RARG: variants seen among roughly 807,000 people sequenced by gnomAD.
RARG encodes the protein retinoic acid receptor gamma.
RARG carries 17 observed loss-of-function variants against 43.7 expected under a neutral mutation model. That is an observed-to-expected ratio of 0.39 (90% confidence interval 0.27 to 0.58). The LOEUF (loss-of-function observed/expected upper bound fraction) is 0.58. Ranked by LOEUF, RARG falls within the 20% of genes least tolerant of loss-of-function variation. The pLI is 0.57. For synonymous variants in RARG, 238 were observed against 236.4 expected (o/e 1.01, Z -0.06); for missense variants, 346 against 598.7 (o/e 0.58, Z 4.40).
At chr12:53,219,315 CCTCTT>C (rs1942878595) in intron 3 of RARG, among the ~76,000 whole-genome samples, 1 of 152,194 alleles carries the variant, frequency 6.6e-6, no homozygotes, top group Admixed American at 6.5e-5. Context: ...CAGCCTTCTC[CCTCTT>C]GTGTGCACAA....
At chr12:53,214,721 A>G (rs1484878001) in intron 5 of RARG, 115 bp from the exon 6 acceptor site, 2 of 1,114,806 alleles carry the variant, frequency 1.8e-6, no homozygotes, top group South Asian at 1.8e-5. Context: ...ATTCTCTGGC[A>G]CTGTAATTAC....
At position 53,213,687 on chromosome 12, in the gene RARG, C is replaced by T; in HGVS notation, c.827G>A (p.Cys276Tyr). ...GTCCTGCTCTGGGGTGTACCTTGTGCAGATACGCAGCATCTGGAGGTGGGG... is the reference window on the plus strand; with the variant it reads ...GTCCTGCTCTGGGGTGTACCTTGTGTAGATACGCAGCATCTGGAGGTGGGG... ...ACLDILMLRI[C>Y]TRYTPEQDTM... The change falls in exon 8 of 10, where the codon TGC becomes TAC. Residue 276 changes from cysteine to tyrosine, a missense_variant. Cys to Tyr is a radical substitution (Grantham distance 194). Around this residue, in one of 8 missense-constraint regions of RARG, gnomAD observed 37 missense variants for 146.3 expected, o/e 0.25. Transcript: ENST00000425354. This position sits in a 1 kb window ranked among gnomAD's most constrained non-coding sequence, Gnocchi z 4.7. The T allele has an allele frequency of 6.2e-7, 1 of 1,612,440 alleles. No homozygotes were observed. Among genetic ancestry groups the T allele is most frequent in the Non-Finnish European group, 8.5e-7 (1 of 1,178,954 alleles).
rs1457086260 is a variant in RARG at position 53,227,455 on chromosome 12, C to G, written c.91G>C (p.Gly31Arg). 6.2e-7 allele frequency: 1 copy of G among 1,610,618 alleles called. No homozygotes were observed. The highest frequency in any genetic ancestry group is 8.5e-7 in the Non-Finnish European group (1 of 1,178,582). The change falls in exon 3 of 10, where the codon GGG becomes CGG. Residue 31 changes from glycine to arginine, a missense_variant. Gly to Arg is a moderately radical substitution (Grantham distance 125, BLOSUM62 -2). Around this residue, in one of 8 missense-constraint regions of RARG, gnomAD observed 90 missense variants for 93.2 expected, o/e 0.97. Coordinates refer to ENST00000425354, the MANE Select transcript of RARG (RefSeq NM_000966.6). The surrounding 1 kb of genome is among the most constrained non-coding windows in gnomAD (Gnocchi z 4.3). ...AAAGGCGGAGACCCCCTGAGTGCCC[C>G]TGGGAAGGCGAAGGGGAAACCTGCC... is the stretch of plus-strand genomic sequence containing the variant. ...PGAGFPFAFP[G>R]ALRGSPPFEM...
At chr12:53,223,459 T>TA (rs377129941) in intron 3 of RARG, among the ~76,000 whole-genome samples, 1 of 82,228 alleles carries the variant, frequency 1.2e-5, no homozygotes, top group African/African-American at 4.7e-5. Context: ...TGGGACCGGG[T>TA]AGGGGGCCAG....
intron 3 of RARG, among the ~76,000 whole-genome samples, chr12:53,224,795 T>C (rs1343460134): frequency 1.3e-5 from 2 of 151,536 alleles, no homozygotes; most frequent in Non-Finnish European, 2.9e-5. Flanking sequence ...CTGCCCTGGC[T>C]CTGGCTCCTC....
rs779990152 is a variant in RARG, at chr12:53,215,384, G to A, written c.384C>T (p.Arg128=). 45 of 1,613,956 alleles carry A rather than the reference G, an allele frequency of 2.8e-5. No homozygotes were observed. The highest frequency in any genetic ancestry group is 1.5e-4 in the Admixed American group (9 of 59,994). ...IQKNMVYTCH[R]DKNCIINKVT... Reference sequence around the variant, plus strand: ...CCTTGTTGATGATACAGTTTTTGTCGCGGTGACACGTGTACACCATGTTCT... The same window carrying A: ...CCTTGTTGATGATACAGTTTTTGTCACGGTGACACGTGTACACCATGTTCT... The change falls in exon 5 of 10, where the codon CGC becomes CGT. Residue 128 remains arginine (R), a synonymous_variant. Transcript: ENST00000425354. The surrounding 1 kb of genome is among the most constrained non-coding windows in gnomAD (Gnocchi z 6.4).
chr12:53,222,923 C>T (rs557957678), intron 3 of RARG, among the ~76,000 whole-genome samples: 1 of 152,288 alleles, frequency 6.6e-6, no homozygotes, highest in South Asian at 2.1e-4. Context: ...GGGCTGCTGC[C>T]TGACTCACCC....
rs775274242 is a variant in RARG at position 53,213,487 on chromosome 12, C to T, written c.1018+9G>A. The stretch of plus-strand genomic sequence containing the variant: ...AGCACTGAGCAGACGCCAGGGGGCG[C>T]CCCCGCACCTCCGCAGATGAGGCAG... On this transcript the variant is annotated intron_variant, in intron 8 of 9. Transcript: ENST00000425354. The surrounding 1 kb of genome is among the most constrained non-coding windows in gnomAD (Gnocchi z 4.7). The T allele has an allele frequency of 3.7e-6, 6 of 1,612,364 alleles. No individual in the cohort carries two copies. The highest frequency in any genetic ancestry group is 4.2e-6 in the Non-Finnish European group (5 of 1,179,724).
Position 53,214,589 on chromosome 12 carries a change from T to C in RARG, c.493A>G (p.Asn165Asp). The change falls in exon 6 of 10, where the codon AAC becomes GAC. Residue 165 changes from asparagine (N) to aspartate (D), a missense_variant. By Grantham distance (23) the Asn-to-Asp change is conservative. This residue lies in a region of RARG where 67 missense variants were observed against 79.6 expected (regional missense o/e 0.84). Coordinates refer to ENST00000425354, the MANE Select transcript of RARG (RefSeq NM_000966.6). Reference sequence around the variant, plus strand: ...TCCTTCACCTCTTTCTTCTTCTTGTTCCGGTCATTTCGCACAGCTTGTGGG... The same window carrying C: ...TCCTTCACCTCTTTCTTCTTCTTGTCCCGGTCATTTCGCACAGCTTGTGGG... ...MSKEAVRNDR[N>D]KKKKEVKEEG... The C allele has an allele frequency of 6.2e-7, 1 of 1,605,098 alleles. No individual in the cohort carries two copies. The highest frequency in any genetic ancestry group is 8.5e-7 in the Non-Finnish European group (1 of 1,172,380).
At chr12:53,226,501 T>G (rs969899283) in intron 3 of RARG, among the ~76,000 whole-genome samples, 1 of 151,276 alleles carries the variant, frequency 6.6e-6, no homozygotes, top group African/African-American at 2.4e-5. Flanking sequence ...CTAATTTTTG[T>G]AATTTTAAAG....
At position 53,227,654 on chromosome 12, in the gene RARG, C is replaced by G. The variant is rs1016087675; in HGVS notation, c.-109G>C. 6 of 1,340,524 alleles carry G rather than the reference C, an allele frequency of 4.5e-6. No homozygotes were observed. The Admixed American group carries it at 2.3e-4, about 52-fold the overall frequency. 83.0% of individuals were successfully genotyped at this position (1,340,524 alleles called of 1,614,324 possible). A position where few individuals can be genotyped will look rare whatever the true frequency, so the allele number is the denominator to read the frequency against. The stretch of plus-strand genomic sequence containing the variant: ...CCAGCCTGGGAGGCTCCGTACCCGC[C>G]CTGCCTGGCCTGCCCACTGGGCCTC... On this transcript the variant is annotated 5_prime_UTR_variant, in exon 3 of 10. Transcript: ENST00000425354. The surrounding 1 kb of genome is among the most constrained non-coding windows in gnomAD (Gnocchi z 4.3).
intron 6 of RARG, 67 bp downstream of exon 6, chr12:53,214,379 C>T: frequency 6.3e-7 from 1 of 1,576,822 alleles, no homozygotes; most frequent in Middle Eastern, 2.1e-4. Flanking sequence ...TAGCCTCCAA[C>T]ACAACCCAGC....
At chr12:53,226,474 C>T (rs1269505596) in intron 3 of RARG, among the ~76,000 whole-genome samples, 1 of 151,156 alleles carries the variant, frequency 6.6e-6, no homozygotes, top group Non-Finnish European at 1.5e-5. Context: ...ATTACAGGCA[C>T]ACGCCACCAT....
chr12:53,215,221 C>A lies in RARG; in HGVS notation c.475+72G>T. 6.4e-7 allele frequency: 1 copy of A among 1,567,502 alleles called. No homozygotes were observed. The highest frequency in any genetic ancestry group is 8.7e-7 in the Non-Finnish European group (1 of 1,153,152). Reference sequence around the variant, plus strand: ...TCAGAGGTCAGGGAAGTGGGAGTGGCCAGAGGAAAGAGGGCCACAGCCATA... The same window carrying A: ...TCAGAGGTCAGGGAAGTGGGAGTGGACAGAGGAAAGAGGGCCACAGCCATA... On this transcript the variant is annotated intron_variant, in intron 5 of 9. Coordinates refer to ENST00000425354, the MANE Select transcript of RARG (RefSeq NM_000966.6). This position sits in a 1 kb window ranked among gnomAD's most constrained non-coding sequence, Gnocchi z 6.4.
rs775168526 is a variant in RARG, at chr12:53,214,505, C to T, written c.577G>A (p.Val193Ile). The change falls in exon 6 of 10, where the codon GTC (valine) becomes ATC (isoleucine). Residue 193 changes from valine (V) to isoleucine (I), a missense_variant. Around this residue, in one of 8 missense-constraint regions of RARG, gnomAD observed 67 missense variants for 79.6 expected, o/e 0.84. Coordinates refer to ENST00000425354, the MANE Select transcript of RARG (RefSeq NM_000966.6). ...AAAGTCTCCTGATGGGCTTTGCTGA[C>T]CTTGGTGATGAGCTCTTCTAACTGA... ...SPQLEELITK[V>I]SKAHQETFPS... The T allele has an allele frequency of 8.7e-6, 14 of 1,613,962 alleles. No homozygotes were observed. The highest frequency in any genetic ancestry group is 1.1e-5 in the Non-Finnish European group (13 of 1,179,862).
At chr12:53,223,610 G>C (rs1046866805) in intron 3 of RARG, among the ~76,000 whole-genome samples, 1 of 151,758 alleles carries the variant, frequency 6.6e-6, no homozygotes, top group Non-Finnish European at 1.5e-5. Context: ...GAGGAGGAGA[G>C]ACCGGGGAGG....
intron 9 of RARG, among the ~76,000 whole-genome samples, 196 bp from the exon 10 acceptor site, chr12:53,212,059 T>C (rs796173210): frequency 6.6e-6 from 1 of 152,228 alleles, no homozygotes; most frequent in Non-Finnish European, 1.5e-5. Context: ...AACCTCTACC[T>C]GGCCTTCTCT....
intron 3 of RARG, among the ~76,000 whole-genome samples, chr12:53,224,773 C>G (rs1039492965): frequency 6.6e-6 from 1 of 152,090 alleles, no homozygotes; most frequent in East Asian, 1.9e-4. Flanking sequence ...TAGCCGCACC[C>G]TCCCCAGCTA....
intron 3 of RARG, among the ~76,000 whole-genome samples, chr12:53,218,718 T>C (rs973888739): frequency 1.3e-5 from 2 of 151,222 alleles, no homozygotes; most frequent in African/African-American, 4.9e-5. Context: ...TAAACAGCAC[T>C]GCTTGGTGCC....
Sources: allele counts gnomAD v4.1 joint callset (sites outside exome capture counted in the v4.1 genomes callset), GRCh38; gene constraint gnomAD v4.1.1; regional missense constraint gnomAD v4.1.1; non-coding constraint Gnocchi (gnomAD v3.1); transcripts MANE v1.5; gene names NCBI Gene and HGNC (gene_info 2026-07-23, HGNC 2026-07-21).